WLS: variants seen among roughly 807,000 people sequenced by gnomAD.
WLS encodes the protein protein wntless homolog.
In WLS, 23 loss-of-function variants were observed where a neutral mutation model predicts 62.8. The observed-to-expected ratio is 0.37, with a 90% confidence interval of 0.26 to 0.52. WLS has a LOEUF of 0.52. Among genes scored for constraint, WLS ranks in the 20% least tolerant of loss-of-function variants. The pLI is 0.92. For synonymous variants in WLS, 246 were observed against 244.1 expected, an observed-to-expected ratio of 1.01 and a Z score of -0.07; for missense variants, 615 against 697.3, an observed-to-expected ratio of 0.88 and a Z score of 1.33.
chr1:68,112,445 C>T (rs905529129), intron 11 of WLS, among the ~76,000 whole-genome samples: 8 of 152,318 alleles, frequency 5.3e-5, no homozygotes, highest in East Asian at 3.9e-4. Flanking sequence ...CCAGCCTCCA[C>T]GGCCTGACAT....
intron 2 of WLS, among the ~76,000 whole-genome samples, chr1:68,160,359 G>T (rs547117297): frequency 7.2e-5 from 11 of 151,816 alleles, no homozygotes; most frequent in Non-Finnish European, 1.0e-4. Flanking sequence ...ACTTAAGGAC[G>T]GCATGACTTG....
chr1:68,173,001 G>A (rs987843488), intron 2 of WLS, among the ~76,000 whole-genome samples: 11 of 152,172 alleles, frequency 7.2e-5, no homozygotes, highest in African/African-American at 2.7e-4. Context: ...GGACTGGGAT[G>A]GGGGGCCAGG....
chr1:68,105,235 C>G (rs1320477978), intron 11 of WLS, among the ~76,000 whole-genome samples: 1 of 152,184 alleles, frequency 6.6e-6, no homozygotes, highest in African/African-American at 2.4e-5. Context: ...GAGTATACTG[C>G]CCTTGTGAGA....
intron 3 of WLS, among the ~76,000 whole-genome samples, chr1:68,156,232 T>G (rs552959179): frequency 6.6e-6 from 1 of 152,192 alleles, no homozygotes; most frequent in Non-Finnish European, 1.5e-5. Flanking sequence ...AATGTTGGGT[T>G]TCTATGTCAG....
rs983034 is a variant in WLS, at chr1:68,137,903, C to T, written c.1393G>A (p.Val465Ile). The T allele has an allele frequency of 0.37, 594,678 of 1,613,486 alleles. 114,104 individuals are homozygous for T. The highest frequency in any genetic ancestry group is 0.39 in the Non-Finnish European group (464,361 of 1,179,658). Reference protein sequence around the residue: ...VTEGHWKWGGVTVQVNSAFFT... With the variant: ...VTEGHWKWGGITVQVNSAFFT... ...AAGGCACTGTTCACTTGGACTGTGA[C>T]GCCGCCCCATTTCCAATGGCCTTCC... The change falls in exon 11 of 12, where the codon GTC becomes ATC. Residue 465 changes from valine (V) to isoleucine (I), a missense_variant. Physicochemically the swap from Val to Ile is conservative, Grantham distance 29. Coordinates refer to ENST00000262348, the MANE Select transcript of WLS (RefSeq NM_024911.7).
intron 2 of WLS, among the ~76,000 whole-genome samples, chr1:68,173,412 C>CTG (rs1647184100): frequency 1.6e-5 from 1 of 61,734 alleles, no homozygotes; most frequent in South Asian, 6.3e-4. Context: ...CTGCGTGCCC[C>CTG]TCTCTCTCTC....
downstream of WLS, chr1:68,121,046 G>A (rs1271515669): frequency 6.6e-6 from 1 of 152,160 alleles, no homozygotes; most frequent in Non-Finnish European, 1.5e-5. Flanking sequence ...TTAAAACTAA[G>A]TATTTAGTGG....
At chr1:68,162,054 T>C (rs1646983868) in intron 2 of WLS, 1 of 1,590,472 alleles carries the variant, frequency 6.3e-7, no homozygotes, top group Non-Finnish European at 8.6e-7. Flanking sequence ...GGATGTGACC[T>C]GTGATGGCTC....
At chr1:68,224,784 G>T (rs899724480) in intron 1 of WLS, among the ~76,000 whole-genome samples, 4 of 151,952 alleles carry the variant, frequency 2.6e-5, no homozygotes, top group Admixed American at 2.0e-4. Context: ...AGGTGGGGGG[G>T]ATTGAGCTTT....
At chr1:68,167,767 A>C (rs1386284055) in intron 2 of WLS, among the ~76,000 whole-genome samples, 6 of 152,116 alleles carry the variant, frequency 3.9e-5, no homozygotes, top group Non-Finnish European at 2.9e-5. Context: ...CTTTGGAGAC[A>C]TATTTTAGTT....
intron 11 of WLS, among the ~76,000 whole-genome samples, chr1:68,130,138 T>C (rs895620069): frequency 1.3e-5 from 2 of 152,208 alleles, no homozygotes; most frequent in Admixed American, 1.3e-4. Flanking sequence ...CCATATGCAC[T>C]GGAGACAGCT....
chr1:68,103,284 A>G (rs1002103624), intron 11 of WLS, among the ~76,000 whole-genome samples: 2 of 152,212 alleles, frequency 1.3e-5, no homozygotes, highest in Non-Finnish European at 2.9e-5. Flanking sequence ...GCAACAATTC[A>G]TGTGCTTGCT....
chr1:68,120,968 T>G (rs900219173), downstream of WLS, among the ~76,000 whole-genome samples: 1 of 152,236 alleles, frequency 6.6e-6, no homozygotes, highest in African/African-American at 2.4e-5. Flanking sequence ...AACAGGGATA[T>G]ATGTAAAGTT....
At chr1:68,231,947 C>T (rs995873035) in intron 1 of WLS, 106 of 588,546 alleles carry the variant, frequency 1.8e-4, no homozygotes, top group Non-Finnish European at 2.9e-4. Flanking sequence ...CCCCCGCCGC[C>T]CCCCTCTTGC....
intron 4 of WLS, 93 bp downstream of exon 4, chr1:68,155,005 AT>A: frequency 1.5e-6 from 2 of 1,323,934 alleles, no homozygotes; most frequent in Non-Finnish European, 2.1e-6. Context: ...TATTATTCCC[AT>A]TTCTCAGATG....
At chr1:68,162,971 G>T (rs796458895) in intron 2 of WLS, 2 of 1,594,162 alleles carry the variant, frequency 1.3e-6, no homozygotes, top group South Asian at 1.1e-5. Context: ...AGTCGCGGCC[G>T]TCCAGCAGCG....
chr1:68,142,775 C>T (rs946074706), intron 10 of WLS: 3 of 152,166 alleles, frequency 2.0e-5, no homozygotes, highest in African/African-American at 7.2e-5. Flanking sequence ...TAACACTCCC[C>T]AGTGGCAGAG....
At position 68,126,323 on chromosome 1, in the gene WLS, A is replaced by G; in HGVS notation, c.1529T>C (p.Val510Ala). 6.2e-7 allele frequency: 1 copy of G among 1,613,988 alleles called. No homozygotes were observed. The highest frequency in any genetic ancestry group is 8.5e-7 in the Non-Finnish European group (1 of 1,180,000). Residue 510 changes from valine to alanine, a missense_variant, in exon 12 of 12, where the codon GTC becomes GCC. Transcript: ENST00000262348. ...GEDQSNGDLG[V>A]HSGEELQLTT... ...GAGCTGGAGTTCTTCCCCACTATGG[A>G]CACCCAGATCGCCTGAAACAGGGTT...
Position 68,138,204 on chromosome 1 carries a change from G to T in WLS, c.1363-271C>A. The T allele has an allele frequency of 1.0e-5, 4 of 397,516 alleles. No individual in the cohort carries two copies. The South Asian group carries it at 1.3e-4, about 13-fold the overall frequency. The allele number at this position is 397,516 out of a possible 1,614,324, so 24.6% of individuals were successfully genotyped here. Reference sequence around the variant, plus strand: ...TGGGGAGTGTCTCTTCCTAAAAACAGCAATTCATTGCTATCCCTAAGTTAA... The same window carrying T: ...TGGGGAGTGTCTCTTCCTAAAAACATCAATTCATTGCTATCCCTAAGTTAA... On this transcript the variant is annotated intron_variant, in intron 10 of 11. Transcript: ENST00000262348.
Sources: gnomAD v4.1 joint callset for allele counts (sites outside exome capture counted in the v4.1 genomes callset) on GRCh38, gnomAD v4.1.1 for gene constraint, MANE v1.5 for transcripts, NCBI Gene and HGNC (gene_info 2026-07-23, HGNC 2026-07-21) for gene names.